NEGR1: variants seen among roughly 807,000 people sequenced by gnomAD.
NEGR1 encodes neuronal growth regulator 1.
NEGR1 carries 10 observed loss-of-function variants against 40.9 expected under a neutral mutation model. The observed-to-expected ratio is 0.24, with a 90% CI of 0.15 to 0.42. The LOEUF (loss-of-function observed/expected upper bound fraction) is 0.42, where lower values mean the gene tolerates loss of function less well. NEGR1 is among the 10% of genes least tolerant of loss of function. The pLI is 1.00. For missense variants in NEGR1, 352 were observed against 438.9 expected, an observed-to-expected ratio of 0.80 and a Z score of 1.77; for synonymous variants, 185 against 166.8, an observed-to-expected ratio of 1.11 and a Z score of -0.84.
intron 2 of NEGR1, among the ~76,000 whole-genome samples, chr1:71,910,585 A>C (rs1661398213): frequency 6.6e-6 from 1 of 152,160 alleles, no homozygotes; most frequent in Non-Finnish European, 1.5e-5. Context: ...CATTACTGTT[A>C]ATTAATAAGT....
intron 1 of NEGR1, among the ~76,000 whole-genome samples, chr1:72,032,378 T>C (rs1557492704): frequency 1.3e-5 from 2 of 152,150 alleles, no homozygotes; most frequent in African/African-American, 2.4e-5. Context: ...TAGGAACACC[T>C]GAGGATTTTA....
At chr1:72,248,358 A>G (rs1307369559) in intron 1 of NEGR1, among the ~76,000 whole-genome samples, 1 of 151,916 alleles carries the variant, frequency 6.6e-6, no homozygotes, top group Non-Finnish European at 1.5e-5. Context: ...TCCGGGTTCA[A>G]GCAATTCTCC....
At chr1:71,987,935 C>T (rs1401438545) in intron 1 of NEGR1, among the ~76,000 whole-genome samples, 2 of 152,092 alleles carry the variant, frequency 1.3e-5, no homozygotes, top group Non-Finnish European at 2.9e-5. Flanking sequence ...AAAAAGGATG[C>T]TTTGGGGACT....
intron 3 of NEGR1, among the ~76,000 whole-genome samples, chr1:71,768,840 T>C (rs1252537106): frequency 2.0e-5 from 3 of 152,162 alleles, no homozygotes; most frequent in Non-Finnish European, 4.4e-5. Context: ...TTTAGCACCA[T>C]TGCCCTAGTC....
intron 4 of NEGR1, among the ~76,000 whole-genome samples, chr1:71,635,677 G>C (rs1018057047): frequency 4.6e-5 from 7 of 152,078 alleles, no homozygotes; most frequent in African/African-American, 1.7e-4. Context: ...ACTTCAGTTT[G>C]AAAACATGTG....
chr1:71,886,246 GATT>G (rs1290437594), intron 2 of NEGR1, among the ~76,000 whole-genome samples: 1 of 152,150 alleles, frequency 6.6e-6, no homozygotes, highest in Admixed American at 6.5e-5. Flanking sequence ...TGAGAATTAT[GATT>G]ATTAGTTGTT....
chr1:71,493,294 T>C (rs1486984230), intron 6 of NEGR1, among the ~76,000 whole-genome samples: 1 of 152,120 alleles, frequency 6.6e-6, no homozygotes, highest in Non-Finnish European at 1.5e-5. Context: ...TGCAACAATC[T>C]CTACAAATCA....
chr1:71,956,544 C>G (rs1254928380), intron 1 of NEGR1, among the ~76,000 whole-genome samples: 3 of 151,838 alleles, frequency 2.0e-5, no homozygotes, highest in African/African-American at 7.3e-5. Flanking sequence ...TAACCTGAGA[C>G]ATTATTAGTA....
intron 1 of NEGR1, among the ~76,000 whole-genome samples, chr1:71,937,817 C>G (rs1022725700): frequency 6.6e-6 from 1 of 152,056 alleles, no homozygotes; most frequent in Non-Finnish European, 1.5e-5. Flanking sequence ...GGATGTTTTA[C>G]CATGAAAGTC....
intron 5 of NEGR1, among the ~76,000 whole-genome samples, chr1:71,604,274 C>T (rs572628826): frequency 6.6e-6 from 1 of 152,008 alleles, no homozygotes; most frequent in Non-Finnish European, 1.5e-5. Context: ...CATAATAAAG[C>T]CTTGAAAATC....
At chr1:71,728,657 T>A (rs1234691796) in intron 3 of NEGR1, among the ~76,000 whole-genome samples, 1 of 152,192 alleles carries the variant, frequency 6.6e-6, no homozygotes, top group Non-Finnish European at 1.5e-5. Context: ...ACAATTTTCA[T>A]AAGCTCTCTG....
intron 4 of NEGR1, among the ~76,000 whole-genome samples, chr1:71,696,606 A>G (rs555034988): frequency 6.6e-6 from 1 of 151,816 alleles, no homozygotes; most frequent in Non-Finnish European, 1.5e-5. Flanking sequence ...GTATACACAT[A>G]TTCAGAAAAG....
intron 6 of NEGR1, among the ~76,000 whole-genome samples, chr1:71,523,682 A>G (rs1196475269): frequency 6.6e-6 from 1 of 151,894 alleles, no homozygotes; most frequent in South Asian, 2.1e-4. Context: ...TCTCCTGCCT[A>G]CTAATATTCC....
At chr1:71,795,587 G>T (rs1657293800) in intron 2 of NEGR1, among the ~76,000 whole-genome samples, 1 of 152,024 alleles carries the variant, frequency 6.6e-6, no homozygotes, top group Non-Finnish European at 1.5e-5. Context: ...GGAAATACAT[G>T]AAAGATTATA....
At position 71,698,153 on chromosome 1, in the gene NEGR1, T is replaced by C; in HGVS notation, c.536-14A>G. On this transcript the variant is annotated splice_polypyrimidine_tract_variant and intron_variant, in intron 3 of 6. Coordinates refer to ENST00000357731, the MANE Select transcript of NEGR1 (RefSeq NM_173808.3). ...CAAATGGTTTTGCTATAAAAAAGAA[T>C]ACAGCATGTTTAATTGTAGCCGCCT... The C allele has an allele frequency of 3.1e-6, 5 of 1,607,506 alleles. No homozygotes were observed. The highest frequency in any genetic ancestry group is 1.1e-5 in the South Asian group (1 of 90,424).
chr1:71,466,567 T>G (rs1189483783), intron 6 of NEGR1, among the ~76,000 whole-genome samples: 2 of 152,060 alleles, frequency 1.3e-5, no homozygotes, highest in South Asian at 2.1e-4. Context: ...GCAGCCTATA[T>G]ACATGCCTGG....
chr1:71,508,264 G>T (rs1388950943), intron 6 of NEGR1, among the ~76,000 whole-genome samples: 2 of 152,114 alleles, frequency 1.3e-5, no homozygotes, highest in Admixed American at 1.3e-4. Context: ...TGAAAGCTAT[G>T]CAAACAGTTG....
chr1:72,148,359 C>G (rs1008531028), intron 1 of NEGR1, among the ~76,000 whole-genome samples: 38 of 152,098 alleles, frequency 2.5e-4, no homozygotes, highest in African/African-American at 9.2e-4. Flanking sequence ...ACATTGGCCC[C>G]TTTCAGTGAT....
intron 1 of NEGR1, among the ~76,000 whole-genome samples, chr1:72,069,021 C>T (rs1405891763): frequency 6.6e-6 from 1 of 152,066 alleles, no homozygotes; most frequent in African/African-American, 2.4e-5. Context: ...TTTCTGGTTA[C>T]TCTCTTGTCT....
Sources: gnomAD v4.1 joint callset for allele counts (sites outside exome capture counted in the v4.1 genomes callset) on GRCh38, gnomAD v4.1.1 for gene constraint, MANE v1.5 for transcripts, NCBI Gene and HGNC (gene_info 2026-07-23, HGNC 2026-07-21) for gene names.